Variants in KCND2 observed in about 807,000 individuals in gnomAD.
KCND2 encodes the protein potassium voltage-gated channel subfamily D member 2, also known as A-type voltage-gated potassium channel KCND2.
A neutral mutation model predicts 54.4 loss-of-function variants in KCND2; 16 were observed. The observed-to-expected ratio is 0.29, with a 90% confidence interval of 0.20 to 0.45. The LOEUF (loss-of-function observed/expected upper bound fraction) is 0.45, where lower values mean the gene tolerates loss of function less well. KCND2 is among the 20% of genes least tolerant of loss of function. The probability of loss-of-function intolerance (pLI) is 1.00; values close to 1 mark genes in which losing one functional copy is unlikely to be tolerated. For synonymous variants in KCND2, 317 were observed against 310.7 expected, an observed-to-expected ratio of 1.02 and a Z score of -0.21; for missense variants, 486 against 824.2, an observed-to-expected ratio of 0.59 and a Z score of 5.02.
chr7:120,467,879 G>A (rs1042604008), intron 1 of KCND2, among the ~76,000 whole-genome samples: 1 of 151,906 alleles, frequency 6.6e-6, no homozygotes, highest in African/African-American at 2.4e-5. Flanking sequence ...GCTCCCAGAT[G>A]GTGGTACCAT....
intron 1 of KCND2, among the ~76,000 whole-genome samples, chr7:120,502,460 A>G (rs1802950790): frequency 6.6e-6 from 1 of 152,002 alleles, no homozygotes; most frequent in African/African-American, 2.4e-5. Flanking sequence ...AAGCTCTCTT[A>G]TGAGAGACTG....
At chr7:120,293,871 A>G (rs1382041424) in intron 1 of KCND2, among the ~76,000 whole-genome samples, 1 of 151,968 alleles carries the variant, frequency 6.6e-6, no homozygotes, top group African/African-American at 2.4e-5. Context: ...ATATTTGTCA[A>G]ATAATTAGTA....
At chr7:120,301,902 G>A (rs1799590136) in intron 1 of KCND2, among the ~76,000 whole-genome samples, 1 of 152,064 alleles carries the variant, frequency 6.6e-6, no homozygotes, top group Non-Finnish European at 1.5e-5. Context: ...GTAACCATAT[G>A]ATAACTTTTT....
At chr7:120,372,837 C>G (rs1800782951) in intron 1 of KCND2, among the ~76,000 whole-genome samples, 1 of 151,908 alleles carries the variant, frequency 6.6e-6, no homozygotes, top group Admixed American at 6.6e-5. Flanking sequence ...ACTCCAGGAT[C>G]AAAGCTCTCT....
intron 1 of KCND2, among the ~76,000 whole-genome samples, chr7:120,519,398 C>T (rs866200623): frequency 7.2e-5 from 11 of 152,088 alleles, no homozygotes; most frequent in Admixed American, 2.0e-4. Context: ...AGAGCAGCTG[C>T]CGGTAGCTGA....
intron 1 of KCND2, among the ~76,000 whole-genome samples, chr7:120,462,754 C>A (rs1450167774): frequency 2.0e-5 from 3 of 151,424 alleles, no homozygotes; most frequent in Non-Finnish European, 4.4e-5. Flanking sequence ...AGAAATAAAA[C>A]AAGTCTGTAA....
At chr7:120,733,199 T>C in intron 2 of KCND2, 134 bp downstream of exon 2, 1 of 815,656 alleles carries the variant, frequency 1.2e-6, no homozygotes, top group Admixed American at 2.2e-5. Flanking sequence ...TAGGTTATTC[T>C]ACACTAAAAA....
At chr7:120,541,816 T>G (rs765563074) in intron 1 of KCND2, among the ~76,000 whole-genome samples, 3 of 152,174 alleles carry the variant, frequency 2.0e-5, no homozygotes, top group Non-Finnish European at 4.4e-5. Context: ...CTTGTATGTA[T>G]ATGTGTATGT....
chr7:120,679,891 C>T (rs1331463768), intron 1 of KCND2, among the ~76,000 whole-genome samples: 1 of 151,984 alleles, frequency 6.6e-6, no homozygotes, highest in Non-Finnish European at 1.5e-5. Flanking sequence ...GCTCTGTGCC[C>T]CTAATACCTG....
intron 1 of KCND2, among the ~76,000 whole-genome samples, chr7:120,503,630 G>A (rs978920389): frequency 1.3e-5 from 2 of 151,852 alleles, no homozygotes; most frequent in African/African-American, 2.4e-5. Context: ...TTATGAAGAT[G>A]ATGAAAGCTT....
chr7:120,349,319 C>A (rs1199141867), intron 1 of KCND2, among the ~76,000 whole-genome samples: 1 of 88,668 alleles, frequency 1.1e-5, no homozygotes, highest in Non-Finnish European at 2.4e-5. Flanking sequence ...AACACACACA[C>A]ACACACAAAC....
In KCND2 at chr7:120,741,589, T is replaced by C; in HGVS notation, c.1334T>C (p.Met445Thr). 1 of 1,613,316 alleles carries C rather than the reference T, an allele frequency of 6.2e-7. No individual in the cohort carries two copies. The change falls in exon 3 of 6, where the codon ATG (methionine) becomes ACG (threonine). Residue 445 changes from methionine (M) to threonine (T), a missense_variant. Met to Thr is a moderately conservative substitution (Grantham distance 81). Transcript: ENST00000331113. The part of the protein sequence containing the change: ...AAKSGSANAY[M>T]QSKRNGLLSN... ...AAAAGCGGAAGCGCAAATGCTTACA[T>C]GCAGAGCAAACGGAATGGTTTACTC...
At chr7:120,394,941 C>A (rs1801132221) in intron 1 of KCND2, among the ~76,000 whole-genome samples, 1 of 151,996 alleles carries the variant, frequency 6.6e-6, no homozygotes, top group Non-Finnish European at 1.5e-5. Context: ...AAACATACTT[C>A]TCTGGCTATT....
chr7:120,527,607 G>T (rs918624950), intron 1 of KCND2, among the ~76,000 whole-genome samples: 3 of 151,806 alleles, frequency 2.0e-5, no homozygotes, highest in Non-Finnish European at 2.9e-5. Flanking sequence ...ATGATTATGG[G>T]ACTGTGGATA....
intron 2 of KCND2, among the ~76,000 whole-genome samples, chr7:120,740,158 C>A (rs111602792): frequency 6.6e-6 from 1 of 151,916 alleles, no homozygotes; most frequent in African/African-American, 2.4e-5. Context: ...TCTACTTGCT[C>A]TTTTATGCTC....
intron 1 of KCND2, among the ~76,000 whole-genome samples, chr7:120,413,445 G>T (rs1017842848): frequency 1.3e-5 from 2 of 151,630 alleles, no homozygotes; most frequent in Non-Finnish European, 2.9e-5. Flanking sequence ...AAAATGTGTG[G>T]TTAATTTTTC....
At chr7:120,304,421 A>C (rs1036951776) in intron 1 of KCND2, among the ~76,000 whole-genome samples, 9 of 152,196 alleles carry the variant, frequency 5.9e-5, no homozygotes, top group Admixed American at 2.0e-4. Context: ...GTGAGACTGC[A>C]TATTGATGGA....
chr7:120,517,976 C>A (rs190803526), intron 1 of KCND2, among the ~76,000 whole-genome samples: 1 of 152,188 alleles, frequency 6.6e-6, no homozygotes, highest in East Asian at 1.9e-4. Context: ...CCTTTCTGGG[C>A]CACAGTACTT....
intron 1 of KCND2, among the ~76,000 whole-genome samples, chr7:120,520,414 T>A (rs1052095965): frequency 3.3e-5 from 5 of 152,138 alleles, no homozygotes; most frequent in Admixed American, 1.3e-4. Flanking sequence ...ACTGTATCTA[T>A]ATGTATGAGA....
Sources: gnomAD v4.1 joint callset for allele counts (sites outside exome capture counted in the v4.1 genomes callset) on GRCh38, gnomAD v4.1.1 for gene constraint, MANE v1.5 for transcripts, NCBI Gene and HGNC (gene_info 2026-07-23, HGNC 2026-07-21) for gene names.